CHL1: variants seen among roughly 807,000 people sequenced by gnomAD.
The protein encoded by CHL1 is neural cell adhesion molecule L1-like protein.
CHL1 carries 96 observed loss-of-function variants against 141.9 expected under a neutral mutation model. The ratio of observed to expected loss-of-function variants is 0.68; its 90% CI spans 0.57 to 0.80. CHL1 has a LOEUF of 0.80. Ranked by LOEUF, CHL1 falls within the 30% of genes least tolerant of loss-of-function variation. The pLI is 0.00. For synonymous variants in CHL1, 613 were observed against 502.2 expected, an observed-to-expected ratio of 1.22 and a Z score of -2.95; for missense variants, 1,820 against 1,457.2, an observed-to-expected ratio of 1.25 and a Z score of -4.05.
intron 2 of CHL1, among the ~76,000 whole-genome samples, chr3:305,486 A>T (rs183185873): frequency 2.0e-5 from 3 of 152,124 alleles, no homozygotes; most frequent in Admixed American, 2.0e-4. Flanking sequence ...AAAGTTTAAG[A>T]TCTTTCACAG....
intron 1 of CHL1, among the ~76,000 whole-genome samples, chr3:201,508 GTGTA>G (rs1698937017): frequency 3.3e-5 from 5 of 152,128 alleles, no homozygotes; most frequent in African/African-American, 9.7e-5. Context: ...GAGTGTATAT[GTGTA>G]TGTGTGTGTG....
At chr3:254,498 C>T (rs975900921) in intron 2 of CHL1, among the ~76,000 whole-genome samples, 11 of 152,096 alleles carry the variant, frequency 7.2e-5, no homozygotes, top group African/African-American at 2.7e-4. Flanking sequence ...GGTTTTTTAG[C>T]TGGGATACAG....
chr3:363,523 G>A (rs1704500042), intron 14 of CHL1, 140 bp downstream of exon 14: 1 of 695,182 alleles, frequency 1.4e-6, no homozygotes, highest in East Asian at 2.8e-5. Context: ...CCTAGAATGG[G>A]TTTCATCTAA....
rs184350928 is a variant in CHL1, at chr3:228,661, T to C, written c.-174-15952T>C. Among the ~76,000 whole-genome samples the C allele has an allele frequency of 3.9e-5, 6 of 152,334 alleles. No individual in the cohort carries two copies. The East Asian group carries it at 1.2e-3, about 29-fold the overall frequency. On this transcript the variant is annotated intron_variant, in intron 1 of 27. Transcript: ENST00000256509. Reference sequence around the variant, plus strand: ...AGAGTGTGTTATCGCAGCAATTTTATAATGGCTCATTAACCCCTGTGAGAG... The same window carrying C: ...AGAGTGTGTTATCGCAGCAATTTTACAATGGCTCATTAACCCCTGTGAGAG...
chr3:262,550 G>A (rs1276084), intron 2 of CHL1, among the ~76,000 whole-genome samples: 29 of 148,568 alleles, frequency 2.0e-4, no homozygotes, highest in Admixed American at 6.7e-5. Flanking sequence ...GGATTCACAC[G>A]TTTAAGCCTA....
chr3:242,971 C>A (rs958752037), intron 1 of CHL1, among the ~76,000 whole-genome samples: 11 of 151,996 alleles, frequency 7.2e-5, no homozygotes, highest in Non-Finnish European at 1.6e-4. Flanking sequence ...AAGTGGGGAC[C>A]CATTGGGAAG....
chr3:389,456 C>G lies in CHL1; in HGVS notation c.2452C>G (p.Leu818Val), dbSNP rs1427884522. 6.2e-7 allele frequency: 1 copy of G among 1,614,022 alleles called. No homozygotes were observed. The highest frequency in any genetic ancestry group is 1.7e-5 in the Admixed American group (1 of 60,022). ...TGGGCCTGACCCTCAGTCAGTGACT[C>G]TCTATTCTGGAGAAGACTGTAAGTG... ...GSGPDPQSVT[L>V]YSGEDYPDTA... is the part of the protein sequence containing the mutation. Residue 818 changes from leucine (L) to valine (V), a missense_variant, in exon 20 of 28, where the codon CTC becomes GTC. Leu to Val is a conservative substitution (Grantham distance 32). Transcript: ENST00000256509.
chr3:251,683 C>T (rs1426958129), intron 2 of CHL1, among the ~76,000 whole-genome samples: 2 of 152,000 alleles, frequency 1.3e-5, no homozygotes, highest in African/African-American at 2.4e-5. Context: ...AAGCCTATAT[C>T]CTGGAAAGTT....
intron 2 of CHL1, among the ~76,000 whole-genome samples, chr3:318,840 T>C (rs1008311025): frequency 6.6e-6 from 1 of 151,578 alleles, no homozygotes; most frequent in Non-Finnish European, 1.5e-5. Context: ...TCCTTAATAA[T>C]GACTCAAATG....
intron 2 of CHL1, 135 bp downstream of exon 2, chr3:244,827 C>T (rs1275824273): frequency 2.0e-5 from 3 of 152,028 alleles, no homozygotes; most frequent in Non-Finnish European, 4.4e-5. Flanking sequence ...ACGGTCTTAG[C>T]GTAGATATGG....
At chr3:310,689 C>T (rs1368968334) in intron 2 of CHL1, among the ~76,000 whole-genome samples, 1 of 152,174 alleles carries the variant, frequency 6.6e-6, no homozygotes, top group African/African-American at 2.4e-5. Flanking sequence ...TTATCAACAC[C>T]ACCAGCAGTG....
intron 26 of CHL1, 127 bp downstream of exon 26, chr3:399,275 A>G (rs533830945): frequency 4.3e-5 from 29 of 677,498 alleles, no homozygotes; most frequent in African/African-American, 2.7e-4. Context: ...TAGATGTACA[A>G]TGCACTGACA....
intron 2 of CHL1, among the ~76,000 whole-genome samples, chr3:259,293 T>TGCGTGC (rs1694479454): frequency 6.6e-6 from 1 of 151,528 alleles, no homozygotes; most frequent in African/African-American, 2.4e-5. Context: ...TGTGCTTGTG[T>TGCGTGC]GTGTGCGTGC....
intron 2 of CHL1, among the ~76,000 whole-genome samples, chr3:266,813 G>T (rs1695198010): frequency 6.6e-6 from 1 of 152,138 alleles, no homozygotes; most frequent in African/African-American, 2.4e-5. Flanking sequence ...TCAGTGGAGG[G>T]CACTTTAAGA....
Position 322,258 on chromosome 3 carries a change from C to A in CHL1, c.91+2391C>A, listed in dbSNP as rs545607483. Among the ~76,000 whole-genome samples, 3 of 151,746 alleles carry A rather than the reference C, an allele frequency of 2.0e-5. No individual in the cohort carries two copies. In the East Asian group the frequency reaches 5.8e-4, roughly 30 times the overall value. On this transcript the variant is annotated intron_variant, in intron 3 of 27. Transcript: ENST00000256509. ...CTGAACTTGAGCTAATATCCATAAC[C>A]TGGTAAAACTCACTTATCAGATTTA...
intron 1 of CHL1, among the ~76,000 whole-genome samples, chr3:226,015 AG>A (rs139707831): frequency 0.12 from 16,654 of 133,334 alleles, 1,061 homozygotes; most frequent in African/African-American, 0.17. Flanking sequence ...TCTAAAAAAA[AG>A]AGACACGTTA....
chr3:352,025 T>C (rs1048862843), intron 10 of CHL1, among the ~76,000 whole-genome samples: 2 of 152,176 alleles, frequency 1.3e-5, no homozygotes, highest in Admixed American at 6.5e-5. Flanking sequence ...ATAATTTTTA[T>C]GTTGTCAACT....
intron 9 of CHL1, 148 bp downstream of exon 9, chr3:344,857 C>T (rs1419767913): frequency 1.3e-6 from 1 of 757,132 alleles, no homozygotes; most frequent in Non-Finnish European, 2.0e-6. Flanking sequence ...AGATATTCTG[C>T]TCAGGACTGT....
intron 2 of CHL1, among the ~76,000 whole-genome samples, chr3:264,987 T>C (rs767123106): frequency 2.0e-5 from 3 of 152,246 alleles, no homozygotes; most frequent in Non-Finnish European, 2.9e-5. Flanking sequence ...TTGCGAATAA[T>C]GATGTTACAT....
Sources: gnomAD v4.1 joint callset for allele counts (sites outside exome capture counted in the v4.1 genomes callset) on GRCh38, gnomAD v4.1.1 for gene constraint, MANE v1.5 for transcripts, NCBI Gene and HGNC (gene_info 2026-07-23, HGNC 2026-07-21) for gene names.